Variants in SLC35F4 observed in about 807,000 individuals in gnomAD.
The protein encoded by SLC35F4 is chromosome 14 open reading frame 36.
SLC35F4 carries 24 observed loss-of-function variants against 44.2 expected under a neutral mutation model. That is an observed-to-expected ratio of 0.54 (90% CI 0.39 to 0.76). The LOEUF is 0.76. SLC35F4 is among the 30% of genes least tolerant of loss of function. The pLI is 0.00. For synonymous variants in SLC35F4, 238 were observed against 223.6 expected, an observed-to-expected ratio of 1.06 and a Z score of -0.57; for missense variants, 562 against 586.1, an observed-to-expected ratio of 0.96 and a Z score of 0.42.
chr14:57,943,683 C>A (rs147376550), intron 1 of SLC35F4, among the ~76,000 whole-genome samples: 1 of 152,204 alleles, frequency 6.6e-6, no homozygotes, highest in Non-Finnish European at 1.5e-5. Context: ...GATGTCTGCA[C>A]GGATCATGGA....
chr14:57,894,954 T>C (rs60692502), intron 1 of SLC35F4, among the ~76,000 whole-genome samples: 5,562 of 152,218 alleles, frequency 0.037, 293 homozygotes, highest in African/African-American at 0.11. Context: ...AACATCTATT[T>C]TCAGTATGTA....
chr14:57,916,308 A>T (rs1594622843), intron 1 of SLC35F4, among the ~76,000 whole-genome samples: 2 of 152,146 alleles, frequency 1.3e-5, no homozygotes, highest in Admixed American at 1.3e-4. Context: ...TAAAGATCCC[A>T]CCTCTCAACA....
chr14:57,969,259 A>G (rs1020589491), intron 1 of SLC35F4, among the ~76,000 whole-genome samples: 2 of 152,252 alleles, frequency 1.3e-5, no homozygotes, highest in African/African-American at 4.8e-5. Context: ...AGAAAATCCT[A>G]ACACACAGAT....
At chr14:57,588,808 T>C (rs558327648) in intron 3 of SLC35F4, among the ~76,000 whole-genome samples, 8 of 152,318 alleles carry the variant, frequency 5.3e-5, no homozygotes, top group Non-Finnish European at 7.3e-5. Context: ...TTTTCTGGGC[T>C]TGATGCACTG....
intron 1 of SLC35F4, among the ~76,000 whole-genome samples, chr14:57,928,637 G>A (rs1234920886): frequency 5.9e-5 from 9 of 152,206 alleles, no homozygotes; most frequent in Non-Finnish European, 1.2e-4. Flanking sequence ...GTCCCATAAT[G>A]TAATCCAAAA....
At chr14:57,635,326 A>G (rs916252452) in intron 1 of SLC35F4, among the ~76,000 whole-genome samples, 10 of 152,002 alleles carry the variant, frequency 6.6e-5, no homozygotes, top group Non-Finnish European at 1.2e-4. Context: ...GTAGGAGACA[A>G]ACAACTGCGA....
intron 1 of SLC35F4, among the ~76,000 whole-genome samples, chr14:57,633,246 C>A (rs886682206): frequency 6.6e-6 from 1 of 152,058 alleles, no homozygotes; most frequent in Non-Finnish European, 1.5e-5. Context: ...TGAATGAACA[C>A]CAAGGAGTGA....
At chr14:57,669,094 T>G (rs560573328) in intron 1 of SLC35F4, among the ~76,000 whole-genome samples, 1 of 152,112 alleles carries the variant, frequency 6.6e-6, no homozygotes, top group Non-Finnish European at 1.5e-5. Flanking sequence ...TTGAAGCAAT[T>G]GTGAATGGGA....
chr14:57,885,275 T>C (rs1220754030), intron 1 of SLC35F4, among the ~76,000 whole-genome samples: 2 of 152,144 alleles, frequency 1.3e-5, no homozygotes, highest in Non-Finnish European at 2.9e-5. Context: ...TGAATGCAGG[T>C]AGTATGTTAG....
intron 3 of SLC35F4, among the ~76,000 whole-genome samples, chr14:57,585,621 G>T (rs1322445756): frequency 6.6e-6 from 1 of 152,132 alleles, no homozygotes; most frequent in Non-Finnish European, 1.5e-5. Flanking sequence ...ATCTCCTTAA[G>T]CTGATAAGGA....
chr14:57,621,863 C>A (rs944183518), intron 1 of SLC35F4, among the ~76,000 whole-genome samples: 1 of 149,612 alleles, frequency 6.7e-6, no homozygotes, highest in African/African-American at 2.5e-5. Flanking sequence ...AAGAAACTAC[C>A]ATCAGAGTGA....
chr14:57,670,581 C>T (rs1332849864), intron 1 of SLC35F4, among the ~76,000 whole-genome samples: 2 of 151,928 alleles, frequency 1.3e-5, no homozygotes, highest in Non-Finnish European at 2.9e-5. Context: ...GCCTTCATTT[C>T]GTTATGTACC....
chr14:57,600,707 A>AC (rs1411524689), intron 1 of SLC35F4, among the ~76,000 whole-genome samples: 43 of 148,668 alleles, frequency 2.9e-4, no homozygotes, highest in African/African-American at 7.6e-4. Flanking sequence ...AAAAAAAAAA[A>AC]AAAAAAAAAA....
chr14:57,681,209 G>GT (rs778312989), intron 1 of SLC35F4, among the ~76,000 whole-genome samples: 5 of 151,870 alleles, frequency 3.3e-5, no homozygotes, highest in Non-Finnish European at 2.9e-5. Context: ...GGCCTCAGAA[G>GT]TAACACCACA....
At chr14:57,632,914 T>C (rs566279125) in intron 1 of SLC35F4, among the ~76,000 whole-genome samples, 1 of 152,228 alleles carries the variant, frequency 6.6e-6, no homozygotes, top group African/African-American at 2.4e-5. Context: ...CTTCAATCTA[T>C]GACAACCACT....
intron 1 of SLC35F4, among the ~76,000 whole-genome samples, chr14:57,778,124 AG>A (rs1357995631): frequency 1.3e-5 from 2 of 152,208 alleles, no homozygotes; most frequent in Non-Finnish European, 2.9e-5. Context: ...TTTTAAAAAA[AG>A]GAAATTTCTC....
chr14:57,566,630 A>G (rs2139664775), intron 6 of SLC35F4, 66 bp from the exon 7 acceptor site: 2 of 1,446,358 alleles, frequency 1.4e-6, no homozygotes, highest in Non-Finnish European at 1.9e-6. Context: ...TTCTCCTTAT[A>G]GTAAATGAAT....
At chr14:57,681,529 A>C (rs2140304913) in intron 1 of SLC35F4, among the ~76,000 whole-genome samples, 1 of 152,280 alleles carries the variant, frequency 6.6e-6, no homozygotes, top group African/African-American at 2.4e-5. Context: ...CTTAGACATA[A>C]GACCTAAAAC....
chr14:57,975,061 T>C (rs529599317), downstream of SLC35F4, among the ~76,000 whole-genome samples: 7 of 152,344 alleles, frequency 4.6e-5, no homozygotes, highest in African/African-American at 1.7e-4. Context: ...AGCTAATGTA[T>C]TCTCTAACCA....
Sources: gnomAD v4.1 joint callset for allele counts (sites outside exome capture counted in the v4.1 genomes callset) on GRCh38, gnomAD v4.1.1 for gene constraint, MANE v1.5 for transcripts, NCBI Gene and HGNC (gene_info 2026-07-23, HGNC 2026-07-21) for gene names.